The following AHNAK variants were observed in gnomAD, a reference collection of about 807,000 sequenced individuals.
The protein encoded by AHNAK is AHNAK nucleoprotein.
AHNAK carries 23 observed loss-of-function variants against 37.8 expected under a neutral mutation model. That is an observed-to-expected ratio of 0.61 (90% CI 0.44 to 0.86). AHNAK has a LOEUF of 0.86. AHNAK is among the 40% of genes least tolerant of loss of function. The pLI is 0.00. For missense variants in AHNAK, 7,411 were observed against 7,319.4 expected (o/e 1.01, Z -0.46); for synonymous variants, 2,481 against 2,636.3 (o/e 0.94, Z 1.80).
intron 5 of AHNAK, among the ~76,000 whole-genome samples, chr11:62,465,122 G>C (rs1938879421): frequency 6.6e-6 from 1 of 152,040 alleles, no homozygotes; most frequent in Non-Finnish European, 1.5e-5. Flanking sequence ...CTCAGCCCTT[G>C]GTCCTCTCTG....
At position 62,523,613 on chromosome 11, in the gene AHNAK, T is replaced by C; in HGVS notation, c.10804A>G (p.Met3602Val). The change falls in exon 5 of 5, where the codon ATG (methionine) becomes GTG (valine). Residue 3602 changes from methionine to valine, a missense_variant. Met to Val is a conservative substitution (Grantham distance 21). Transcript: ENST00000378024. ...DVHGPDWHLK[M>V]PKVKMPKFSM... is the part of the protein sequence containing the mutation. The stretch of plus-strand genomic sequence containing the variant: ...AACTTGGGCATTTTCACTTTGGGCA[T>C]CTTCAGATGCCAGTCTGGACCATGA... The C allele has an allele frequency of 6.2e-7, 1 of 1,614,158 alleles. No individual in the cohort carries two copies. Among genetic ancestry groups the C allele is most frequent in the Non-Finnish European group, 8.5e-7 (1 of 1,180,036 alleles).
At chr11:62,494,779 A>G (rs12273682) in intron 4 of AHNAK, among the ~76,000 whole-genome samples, 21,649 of 151,862 alleles carry the variant, frequency 0.14, 3,899 homozygotes, top group African/African-American at 0.42. Flanking sequence ...AGGAGGCCAA[A>G]GCAGGTGGAT....
At chr11:62,435,450 G>A (rs911013437) in intron 5 of AHNAK, among the ~76,000 whole-genome samples, 2 of 151,610 alleles carry the variant, frequency 1.3e-5, no homozygotes, top group Non-Finnish European at 2.9e-5. Flanking sequence ...TCTCGCTGTT[G>A]CCCAGGCTGG....
intron 5 of AHNAK, among the ~76,000 whole-genome samples, chr11:62,435,395 G>T (rs1386797204): frequency 6.6e-6 from 1 of 150,762 alleles, no homozygotes; most frequent in Non-Finnish European, 1.5e-5. Context: ...GAAAGTGAAA[G>T]CTTTATTTAT....
intron 5 of AHNAK, chr11:62,491,633 G>T (rs1429865037): frequency 1.4e-5 from 16 of 1,166,592 alleles, no homozygotes; most frequent in South Asian, 1.4e-5. Context: ...CCTTCCACGT[G>T]TGGCTTCCAC....
chr11:62,525,631 T>C lies in AHNAK; in HGVS notation c.8786A>G (p.Lys2929Arg). 3 of 1,613,520 alleles carry C rather than the reference T, an allele frequency of 1.9e-6. No individual in the cohort carries two copies. The highest frequency in any genetic ancestry group is 2.5e-6 in the Non-Finnish European group (3 of 1,179,872). The change falls in exon 5 of 5, where the codon AAA becomes AGA. Residue 2929 changes from lysine (K) to arginine (R), a missense_variant. Physicochemically the swap from Lys to Arg is conservative, Grantham distance 26. Transcript: ENST00000378024. Reference protein sequence around the residue: ...PKADVDVSGPKVDVEGPDVNI... With the variant: ...PKADVDVSGPRVDVEGPDVNI... The stretch of plus-strand genomic sequence containing the variant: ...AACATCAGGGCCTTCAACGTCCACT[T>C]TGGGGCCTGAGACATCAACGTCAGC...
In AHNAK at chr11:62,533,690, T is replaced by C. The variant is rs1349820407; in HGVS notation, c.727A>G (p.Lys243Glu). The change falls in exon 5 of 5, where the codon AAG (lysine) becomes GAG (glutamate). Residue 243 changes from lysine to glutamate, a missense_variant. By Grantham distance (56) the Lys-to-Glu change is moderately conservative. Transcript: ENST00000378024. ...GPELQGAGHS[K>E]LQVTMPGIKV... ...ATCCCAGGCATGGTGACCTGGAGCT[T>C]CGAGTGGCCAGCACCTTGGAGCTCT... 1 of 1,614,054 alleles carries C rather than the reference T, an allele frequency of 6.2e-7. No individual in the cohort carries two copies. Among genetic ancestry groups the C allele is most frequent in the Admixed American group, 1.7e-5 (1 of 60,016 alleles).
At chr11:62,465,634 A>AAAAATT (rs1371205315) in intron 5 of AHNAK, among the ~76,000 whole-genome samples, 3 of 151,980 alleles carry the variant, frequency 2.0e-5, no homozygotes, top group East Asian at 1.9e-4. Flanking sequence ...ATAAATAAAT[A>AAAAATT]AAAATTAAAA....
At position 62,532,153 on chromosome 11, in the gene AHNAK, G is replaced by A; in HGVS notation, c.2264C>T (p.Pro755Leu). The change falls in exon 5 of 5, where the codon CCC (proline) becomes CTC (leucine). Residue 755 changes from proline (P) to leucine (L), a missense_variant. Coordinates refer to ENST00000378024, the MANE Select transcript of AHNAK (RefSeq NM_001620.3). ...WHLKMPKMKM[P>L]KFSVPGFKAE... is the part of the protein sequence containing the mutation. ...TTTGAACCCTGGCACACTGAATTTGGGCATTTTCATCTTGGGCATCTTCAA... is the reference window on the plus strand; with the variant it reads ...TTTGAACCCTGGCACACTGAATTTGAGCATTTTCATCTTGGGCATCTTCAA... 2 of 1,613,690 alleles carry A rather than the reference G, an allele frequency of 1.2e-6. No homozygotes were observed. Among genetic ancestry groups the A allele is most frequent in the Non-Finnish European group, 1.7e-6 (2 of 1,179,960 alleles).
intron 4 of AHNAK, among the ~76,000 whole-genome samples, chr11:62,500,531 C>G (rs1010430816): frequency 1.3e-5 from 2 of 152,188 alleles, no homozygotes; most frequent in Non-Finnish European, 2.9e-5. Flanking sequence ...TGCTGTCCCT[C>G]AGAGAGCCCG....
At chr11:62,485,957 G>C (rs1939382450) in intron 5 of AHNAK, among the ~76,000 whole-genome samples, 1 of 149,510 alleles carries the variant, frequency 6.7e-6, no homozygotes, top group South Asian at 2.1e-4. Context: ...GGAGGCGGAG[G>C]TTGCAGTGAG....
intron 5 of AHNAK, among the ~76,000 whole-genome samples, chr11:62,449,041 C>CT (rs1938478196): frequency 6.6e-6 from 1 of 151,984 alleles, no homozygotes; most frequent in African/African-American, 2.4e-5. Context: ...GCACTCCAGC[C>CT]TGGGTGACAG....
In AHNAK at chr11:62,528,187, A is replaced by G; in HGVS notation, c.6230T>C (p.Val2077Ala). ...EVDVNLPKAD[V>A]VVSGPKVDVE... ...ATCCACCTTGGGTCCTGAGACAACAACATCAGCCTTGGGCAAGTTCACATC... is the reference window on the plus strand; with the variant it reads ...ATCCACCTTGGGTCCTGAGACAACAGCATCAGCCTTGGGCAAGTTCACATC... The change falls in exon 5 of 5, where the codon GTT becomes GCT. Residue 2077 changes from valine (V) to alanine (A), a missense_variant. Coordinates refer to ENST00000378024, the MANE Select transcript of AHNAK (RefSeq NM_001620.3). 2 of 1,613,960 alleles carry G rather than the reference A, an allele frequency of 1.2e-6. No individual in the cohort carries two copies. The highest frequency in any genetic ancestry group is 1.7e-6 in the Non-Finnish European group (2 of 1,179,992).
At chr11:62,496,611 A>G (rs1347734692) in intron 4 of AHNAK, among the ~76,000 whole-genome samples, 3 of 152,148 alleles carry the variant, frequency 2.0e-5, no homozygotes, top group African/African-American at 7.2e-5. Flanking sequence ...CCTGATCAAC[A>G]TAGTGAAACC....
chr11:62,470,108 T>G (rs546072621), intron 5 of AHNAK, among the ~76,000 whole-genome samples: 30 of 150,682 alleles, frequency 2.0e-4, no homozygotes, highest in African/African-American at 2.7e-4. Flanking sequence ...ATCGAGACCA[T>G]CCTGGCCAAC....
At chr11:62,515,603 C>T (rs1939995295), downstream of AHNAK, among the ~76,000 whole-genome samples, 1 of 152,370 alleles carries the variant, frequency 6.6e-6, no homozygotes, top group South Asian at 2.1e-4. Flanking sequence ...TAACTGTTCA[C>T]ATCTGTAACC....
At chr11:62,538,589 T>C (rs1941027259) in intron 1 of AHNAK, among the ~76,000 whole-genome samples, 1 of 152,308 alleles carries the variant, frequency 6.6e-6, no homozygotes, top group Admixed American at 6.5e-5. Flanking sequence ...TGCCTCCATA[T>C]GCCCAACACT....
chr11:62,501,994 G>C (rs1197723142), intron 4 of AHNAK, among the ~76,000 whole-genome samples: 1 of 152,208 alleles, frequency 6.6e-6, no homozygotes, highest in African/African-American at 2.4e-5. Flanking sequence ...AGTGAGAGAC[G>C]TTTCAGATGC....
intron 5 of AHNAK, among the ~76,000 whole-genome samples, chr11:62,441,293 C>T (rs757996472): frequency 5.9e-5 from 9 of 151,652 alleles, no homozygotes; most frequent in African/African-American, 1.2e-4. Flanking sequence ...TGAGCCACCA[C>T]GTCCGGCCTC....
Sources: gnomAD v4.1 joint callset for allele counts (sites outside exome capture counted in the v4.1 genomes callset) on GRCh38, gnomAD v4.1.1 for gene constraint, MANE v1.5 for transcripts, NCBI Gene and HGNC (gene_info 2026-07-23, HGNC 2026-07-21) for gene names.